Variants in GRK5 observed in about 807,000 individuals in gnomAD.
GRK5 encodes G protein-coupled receptor kinase 5.
GRK5 carries 40 observed loss-of-function variants against 78.4 expected under a neutral mutation model. The observed-to-expected ratio is 0.51, with a 90% confidence interval of 0.40 to 0.66. The LOEUF is 0.66. GRK5 is among the 30% of genes least tolerant of loss of function. GRK5 has a pLI of 0.00. For synonymous variants in GRK5, 289 were observed against 296.8 expected, an observed-to-expected ratio of 0.97 and a Z score of 0.27; for missense variants, 598 against 759.9, an observed-to-expected ratio of 0.79 and a Z score of 2.50.
At chr10:119,324,972 G>A (rs1393322136) in intron 1 of GRK5, among the ~76,000 whole-genome samples, 1 of 152,246 alleles carries the variant, frequency 6.6e-6, no homozygotes, top group Non-Finnish European at 1.5e-5. Context: ...AGATTTGAGA[G>A]GAGGACACTG....
At chr10:119,454,189 C>T (rs955387110) in intron 15 of GRK5, among the ~76,000 whole-genome samples, 4 of 152,210 alleles carry the variant, frequency 2.6e-5, no homozygotes, top group Admixed American at 1.3e-4. Flanking sequence ...GAAAGAATGA[C>T]CTCTCCCTCC....
At chr10:119,350,073 A>G (rs747142622) in intron 2 of GRK5, among the ~76,000 whole-genome samples, 10 of 152,252 alleles carry the variant, frequency 6.6e-5, no homozygotes, top group Non-Finnish European at 1.3e-4. Flanking sequence ...TGACCAGCTC[A>G]TGGCCAGAAT....
chr10:119,280,936 C>T (rs1034432657), intron 1 of GRK5, among the ~76,000 whole-genome samples: 10 of 151,978 alleles, frequency 6.6e-5, no homozygotes, highest in South Asian at 2.1e-4. Context: ...TGCGCCACCA[C>T]GCCCAGCTAA....
intron 3 of GRK5, among the ~76,000 whole-genome samples, chr10:119,393,999 C>G (rs1046069985): frequency 1.3e-4 from 12 of 92,622 alleles, no homozygotes; most frequent in Admixed American, 3.3e-4. Flanking sequence ...GTGTGTGTGT[C>G]TGGGTCTGGG....
At chr10:119,403,565 A>G (rs952689648) in intron 4 of GRK5, among the ~76,000 whole-genome samples, 3 of 152,336 alleles carry the variant, frequency 2.0e-5, no homozygotes, top group African/African-American at 7.2e-5. Flanking sequence ...TCCATTGTAA[A>G]GATACAACAC....
intron 1 of GRK5, among the ~76,000 whole-genome samples, chr10:119,261,280 C>CT (rs1178798185): frequency 6.8e-5 from 10 of 147,854 alleles, no homozygotes; most frequent in South Asian, 2.2e-4. Context: ...CGGGCAGAGG[C>CT]GCTCCTCACA....
chr10:119,449,970 G>C (rs1227503046), intron 13 of GRK5, among the ~76,000 whole-genome samples: 1 of 152,112 alleles, frequency 6.6e-6, no homozygotes. Flanking sequence ...GGTAAGACTC[G>C]GGCTTCAGGA....
intron 2 of GRK5, among the ~76,000 whole-genome samples, chr10:119,346,856 C>G (rs1182210188): frequency 6.6e-6 from 1 of 152,178 alleles, no homozygotes; most frequent in Non-Finnish European, 1.5e-5. Flanking sequence ...ACAGTGGTCC[C>G]CTCTGAGGGC....
rs780466569 is a variant in GRK5, at chr10:119,455,398, G to C, written c.*331G>C. On this transcript the variant is annotated 3_prime_UTR_variant, in exon 16 of 16. Coordinates refer to ENST00000392870, the MANE Select transcript of GRK5 (RefSeq NM_005308.3). ...TTGTCTTTATGATTTTTAAAGAAAA[G>C]TTTTGTAAATTTCTCTACTGTCTCA... The C allele has an allele frequency of 1.4e-5, 7 of 486,934 alleles. No individual in the cohort carries two copies. Among genetic ancestry groups the C allele is most frequent in the Admixed American group, 3.3e-5 (1 of 30,142 alleles). The allele number at this position is 486,934 out of a possible 1,614,324, so 30.2% of individuals were successfully genotyped here.
chr10:119,212,734 G>A (rs1848508257), intron 1 of GRK5: 1 of 152,216 alleles, frequency 6.6e-6, no homozygotes, highest in Admixed American at 6.5e-5. Flanking sequence ...ATGCAACTCA[G>A]AGGTGAAACT....
chr10:119,263,970 C>T (rs1429273017), intron 1 of GRK5, among the ~76,000 whole-genome samples: 1 of 151,980 alleles, frequency 6.6e-6, no homozygotes, highest in Non-Finnish European at 1.5e-5. Context: ...AAAAATAAAA[C>T]CTTGTTGATA....
At chr10:119,280,925 G>A (rs946044482) in intron 1 of GRK5, among the ~76,000 whole-genome samples, 2 of 151,750 alleles carry the variant, frequency 1.3e-5, no homozygotes, top group African/African-American at 2.4e-5. Flanking sequence ...GATTACAGGC[G>A]TGCGCCACCA....
intron 1 of GRK5, chr10:119,212,985 T>C (rs770774281): frequency 6.6e-6 from 1 of 152,162 alleles, no homozygotes; most frequent in Non-Finnish European, 1.5e-5. Flanking sequence ...GGCATCAATA[T>C]GGTGACCTTT....
chr10:119,359,929 A>C (rs558836212), intron 2 of GRK5, among the ~76,000 whole-genome samples: 97 of 151,182 alleles, frequency 6.4e-4, no homozygotes, highest in African/African-American at 2.1e-3. Context: ...GGCTGAAGGG[A>C]GGTTGAGGAG....
intron 2 of GRK5, among the ~76,000 whole-genome samples, chr10:119,357,951 G>A (rs368351926): frequency 2.0e-5 from 3 of 152,188 alleles, no homozygotes; most frequent in Admixed American, 6.5e-5. Flanking sequence ...GGTGGGCAGC[G>A]TCTGCTGAGC....
At chr10:119,283,385 A>G (rs1395285605) in intron 1 of GRK5, among the ~76,000 whole-genome samples, 4 of 152,126 alleles carry the variant, frequency 2.6e-5, no homozygotes, top group Non-Finnish European at 4.4e-5. Context: ...TCCACACCCC[A>G]TTCCCACCTC....
rs79282693 is a variant in GRK5 at position 119,370,411 on chromosome 10, C to T, written c.149-10404C>T. Among the ~76,000 whole-genome samples, 7 of 152,288 alleles carry T rather than the reference C, an allele frequency of 4.6e-5. No individual in the cohort carries two copies. In the East Asian group the frequency reaches 1.3e-3, roughly 29 times the overall value. On this transcript the variant is annotated intron_variant, in intron 2 of 15. Coordinates refer to ENST00000392870, the MANE Select transcript of GRK5 (RefSeq NM_005308.3). ...CATTCCGTAAAACTAGAGCCCAGAACGAGAGGGACGAATGGCACAGGAAGA... is the reference window on the plus strand; with the variant it reads ...CATTCCGTAAAACTAGAGCCCAGAATGAGAGGGACGAATGGCACAGGAAGA...
At chr10:119,241,651 C>T (rs73448892) in intron 1 of GRK5, among the ~76,000 whole-genome samples, 8,931 of 152,220 alleles carry the variant, frequency 0.059, 331 homozygotes, top group East Asian at 0.13. Context: ...GGCCCTGAGA[C>T]AGTCGGGGTG....
chr10:119,355,784 A>G (rs1273447699), intron 2 of GRK5, among the ~76,000 whole-genome samples: 2 of 70,290 alleles, frequency 2.8e-5, no homozygotes, highest in African/African-American at 4.4e-5. Flanking sequence ...CTCTATCACA[A>G]CAACAACAAC....
Sources: allele counts gnomAD v4.1 joint callset (sites outside exome capture counted in the v4.1 genomes callset), GRCh38; gene constraint gnomAD v4.1.1; transcripts MANE v1.5; gene names NCBI Gene and HGNC (gene_info 2026-07-23, HGNC 2026-07-21).